The following C12orf42 variants were observed in gnomAD, a reference collection of about 807,000 sequenced individuals.
C12orf42 encodes uncharacterized protein C12orf42.
In C12orf42, 25 loss-of-function variants were observed where a neutral mutation model predicts 21.6. The ratio of observed to expected loss-of-function variants is 1.16; its 90% CI spans 0.84 to 1.62. The LOEUF (loss-of-function observed/expected upper bound fraction) is 1.62. Ranked by LOEUF, C12orf42 falls within the 40% of genes most tolerant of loss-of-function variation. The probability of loss-of-function intolerance (pLI) is 0.00; values close to 1 mark genes in which losing one functional copy is unlikely to be tolerated. For synonymous variants in C12orf42, 174 were observed against 175.0 expected, an observed-to-expected ratio of 0.99 and a Z score of 0.05; for missense variants, 483 against 459.3, an observed-to-expected ratio of 1.05 and a Z score of -0.47.
the C12orf42 span, among the ~76,000 whole-genome samples, chr12:103,055,805 C>T: frequency 2.6e-5 from 4 of 151,928 alleles, no homozygotes; most frequent in South Asian, 6.2e-4. Flanking sequence ...CTTCTTTGAC[C>T]GATGCAATAT....
the C12orf42 span, among the ~76,000 whole-genome samples, chr12:103,092,252 T>C: frequency 6.6e-6 from 1 of 152,206 alleles, no homozygotes; most frequent in Non-Finnish European, 1.5e-5. Flanking sequence ...TATCATTCGC[T>C]TTCTGGTAGG....
At chr12:103,279,614 CA>C (rs2136300693) in intron 4 of C12orf42, among the ~76,000 whole-genome samples, 1 of 152,280 alleles carries the variant, frequency 6.6e-6, no homozygotes, top group African/African-American at 2.4e-5. Flanking sequence ...AGAGAAAAAC[CA>C]GTGTCATGAG....
At chr12:103,469,622 T>C (rs1201428313) in intron 2 of C12orf42, among the ~76,000 whole-genome samples, 1 of 152,212 alleles carries the variant, frequency 6.6e-6, no homozygotes, top group Non-Finnish European at 1.5e-5. Context: ...AACATAGCAG[T>C]GAACATCCTT....
downstream of C12orf42, among the ~76,000 whole-genome samples, chr12:103,297,299 C>T (rs949320187): frequency 6.6e-6 from 1 of 152,142 alleles, no homozygotes; most frequent in African/African-American, 2.4e-5. Context: ...AGCATGATGC[C>T]TTCAGCTTTG....
chr12:103,270,897 T>C (rs1434810273), intron 5 of C12orf42, among the ~76,000 whole-genome samples: 1 of 152,042 alleles, frequency 6.6e-6, no homozygotes, highest in Non-Finnish European at 1.5e-5. Context: ...TATAACATGA[T>C]ACCTTTCTTC....
At chr12:103,089,142 C>T in the C12orf42 span, among the ~76,000 whole-genome samples, 1 of 146,182 alleles carries the variant, frequency 6.8e-6, no homozygotes, top group Non-Finnish European at 1.5e-5. Context: ...CTCGGCAACC[C>T]CTTGAGTGTG....
the C12orf42 span, among the ~76,000 whole-genome samples, chr12:103,206,619 G>C: frequency 6.6e-6 from 1 of 151,856 alleles, no homozygotes; most frequent in South Asian, 2.1e-4. Context: ...TAAGAGATGG[G>C]GTCTCACTGT....
intron 3 of C12orf42, among the ~76,000 whole-genome samples, chr12:103,399,922 T>C (rs1024904272): frequency 1.3e-5 from 2 of 152,244 alleles, no homozygotes; most frequent in African/African-American, 4.8e-5. Flanking sequence ...TTCATATACA[T>C]GTGCTATATA....
At chr12:103,123,782 A>G in the C12orf42 span, among the ~76,000 whole-genome samples, 5 of 151,754 alleles carry the variant, frequency 3.3e-5, no homozygotes, top group Non-Finnish European at 5.9e-5. Flanking sequence ...ATATATTAAC[A>G]TATATTATTA....
the C12orf42 span, among the ~76,000 whole-genome samples, chr12:103,216,495 C>T: frequency 4.6e-5 from 7 of 151,770 alleles, no homozygotes; most frequent in African/African-American, 1.5e-4. Context: ...CTCAGCCTCC[C>T]GAGTAGCTGG....
chr12:103,220,289 T>G, the C12orf42 span, among the ~76,000 whole-genome samples: 1 of 152,090 alleles, frequency 6.6e-6, no homozygotes, highest in African/African-American at 2.4e-5. Flanking sequence ...GAGAAATACC[T>G]AATGCAGATG....
chr12:103,274,146 A>G (rs1699191803), intron 5 of C12orf42, among the ~76,000 whole-genome samples: 1 of 152,208 alleles, frequency 6.6e-6, no homozygotes, highest in African/African-American at 2.4e-5. Context: ...ATAGGTACTG[A>G]TAGTAATTCT....
chr12:103,107,299 A>C, the C12orf42 span, among the ~76,000 whole-genome samples: 1 of 151,972 alleles, frequency 6.6e-6, no homozygotes, highest in Admixed American at 6.5e-5. Flanking sequence ...GGAAACTTAC[A>C]GCCCCAAATT....
At chr12:103,332,784 A>G (rs2041356467) in intron 4 of C12orf42, among the ~76,000 whole-genome samples, 1 of 152,232 alleles carries the variant, frequency 6.6e-6, no homozygotes, top group Non-Finnish European at 1.5e-5. Flanking sequence ...ATTAAGATGT[A>G]AGTAATCTAT....
the C12orf42 span, among the ~76,000 whole-genome samples, chr12:103,188,738 T>A: frequency 6.6e-6 from 1 of 152,216 alleles, no homozygotes; most frequent in Admixed American, 6.5e-5. Flanking sequence ...ACTCTGGCTC[T>A]TCCTTTGCCT....
At chr12:103,457,300 G>A (rs1390445548) in intron 2 of C12orf42, among the ~76,000 whole-genome samples, 1 of 152,200 alleles carries the variant, frequency 6.6e-6, no homozygotes, top group Non-Finnish European at 1.5e-5. Context: ...GGGGAAGAAA[G>A]TAGCTTTTAA....
At chr12:103,535,839 AC>A in the C12orf42 span, among the ~76,000 whole-genome samples, 1 of 152,122 alleles carries the variant, frequency 6.6e-6, no homozygotes. Context: ...GTGCAGTGGC[AC>A]CATTTCAGCT....
chr12:103,543,683 G>A, the C12orf42 span, among the ~76,000 whole-genome samples: 2 of 151,696 alleles, frequency 1.3e-5, no homozygotes, highest in Admixed American at 1.3e-4. Context: ...GTTGTGTGAT[G>A]TAGTTAATTC....
At chr12:103,217,234 T>G in the C12orf42 span, among the ~76,000 whole-genome samples, 10 of 152,110 alleles carry the variant, frequency 6.6e-5, no homozygotes, top group African/African-American at 2.4e-4. Flanking sequence ...AGAAGCTGCT[T>G]CTTAGATGAG....
Sources: gnomAD v4.1 joint callset for allele counts (sites outside exome capture counted in the v4.1 genomes callset) on GRCh38, gnomAD v4.1.1 for gene constraint, MANE v1.5 for transcripts, NCBI Gene and HGNC (gene_info 2026-07-23, HGNC 2026-07-21) for gene names.